The following TNKS variants were observed in gnomAD, a reference collection of about 807,000 sequenced individuals.
TNKS encodes poly [ADP-ribose] polymerase tankyrase-1.
TNKS carries 72 observed loss-of-function variants against 135.8 expected under a neutral mutation model. The observed-to-expected ratio is 0.53, with a 90% confidence interval of 0.44 to 0.64. TNKS has a LOEUF of 0.64. Among genes scored for constraint, TNKS ranks in the 30% least tolerant of loss-of-function variants. The probability of loss-of-function intolerance (pLI) is 0.00; values close to 1 mark genes in which losing one functional copy is unlikely to be tolerated. For missense variants in TNKS, 1,769 were observed against 1,674.0 expected (o/e 1.06, Z -0.99); for synonymous variants, 849 against 649.3 (o/e 1.31, Z -4.68).
At chr8:9,685,173 A>G (rs1346920562) in intron 5 of TNKS, among the ~76,000 whole-genome samples, 1 of 152,174 alleles carries the variant, frequency 6.6e-6, no homozygotes, top group African/African-American at 2.4e-5. Flanking sequence ...ACTACTTTCA[A>G]AAGGAAATCA....
rs1380515230 is a variant in TNKS at position 9,556,828 on chromosome 8, G to C, written c.673+216G>C. 6 of 593,506 alleles carry C rather than the reference G, an allele frequency of 1.0e-5. No homozygotes were observed. The South Asian group carries it at 1.2e-4, about 12-fold the overall frequency. 36.8% of individuals were successfully genotyped at this position (593,506 alleles called of 1,614,324 possible). A position where few individuals can be genotyped will look rare whatever the true frequency, so the allele number is the denominator to read the frequency against. On this transcript the variant is annotated intron_variant, in intron 1 of 26. Coordinates refer to ENST00000310430, the MANE Select transcript of TNKS (RefSeq NM_003747.3). ...AGTGAATCCAAGGAATTCTTCAGTGGTTGCACAGTACTCATTACAAAACTC... is the reference window on the plus strand; with the variant it reads ...AGTGAATCCAAGGAATTCTTCAGTGCTTGCACAGTACTCATTACAAAACTC...
At chr8:9,730,565 G>A (rs532211035) in intron 13 of TNKS, among the ~76,000 whole-genome samples, 2 of 152,278 alleles carry the variant, frequency 1.3e-5, no homozygotes, top group African/African-American at 4.8e-5. Context: ...ATATCTCAGG[G>A]AGGAAAGACT....
chr8:9,705,472 G>C (rs972956850), intron 6 of TNKS, among the ~76,000 whole-genome samples: 3 of 152,172 alleles, frequency 2.0e-5, no homozygotes, highest in Admixed American at 1.3e-4. Context: ...TGCCCTAGAG[G>C]AGAGTTTCTT....
chr8:9,776,877 T>C lies in TNKS; in HGVS notation c.*141T>C. ...GTTTGTCTTCTATAAAGCATTGCTA[T>C]AGTGATGAATAGTATGAGTAACTGA... On this transcript the variant is annotated 3_prime_UTR_variant, in exon 27 of 27. Coordinates refer to ENST00000310430, the MANE Select transcript of TNKS (RefSeq NM_003747.3). 1 of 711,830 alleles carries C rather than the reference T, an allele frequency of 1.4e-6. No individual in the cohort carries two copies. The highest frequency in any genetic ancestry group is 2.3e-6 in the Non-Finnish European group (1 of 430,456). 44.1% of individuals were successfully genotyped at this position (711,830 alleles called of 1,614,324 possible).
At chr8:9,697,627 G>C (rs992997911) in intron 5 of TNKS, among the ~76,000 whole-genome samples, 8 of 152,026 alleles carry the variant, frequency 5.3e-5, no homozygotes, top group African/African-American at 1.9e-4. Flanking sequence ...GTAGGCAAAG[G>C]ACATGAACAG....
Position 9,780,851 on chromosome 8 carries a change from A to G in TNKS, c.*4115A>G, listed in dbSNP as rs1289531597. The G allele has an allele frequency of 6.6e-6, 1 of 152,114 alleles. No homozygotes were observed. Among genetic ancestry groups the G allele is most frequent in the African/African-American group, 2.4e-5 (1 of 41,422 alleles). 9.4% of individuals were successfully genotyped at this position (152,114 alleles called of 1,614,324 possible). A position where few individuals can be genotyped will look rare whatever the true frequency, so the allele number is the denominator to read the frequency against. On this transcript the variant is annotated 3_prime_UTR_variant, in exon 27 of 27. Transcript: ENST00000310430. ...GAGCTGATTAAAATTAATCCATTTC[A>G]ATTTCTCCATATTGGAACTTCCTCA...
chr8:9,654,599 T>G (rs13276464), intron 3 of TNKS, among the ~76,000 whole-genome samples: 18,571 of 152,270 alleles, frequency 0.12, 1,322 homozygotes, highest in Admixed American at 0.22. Context: ...TCAAACAGCT[T>G]CTTTTTCAAA....
chr8:9,764,592 A>C (rs370606901), intron 22 of TNKS, 124 bp from the exon 23 acceptor site: 2 of 567,686 alleles, frequency 3.5e-6, no homozygotes, highest in Non-Finnish European at 5.8e-6. Context: ...ATACTTATCC[A>C]CTAAACTTGT....
At chr8:9,593,873 TTTATTTATTA>T (rs1232974328) in intron 2 of TNKS, among the ~76,000 whole-genome samples, 2 of 150,374 alleles carry the variant, frequency 1.3e-5, no homozygotes, top group African/African-American at 5.0e-5. Context: ...TATTTATTTA[TTTATTTATTA>T]TTATTATTAT....
chr8:9,718,484 G>A (rs186541976), intron 11 of TNKS, among the ~76,000 whole-genome samples: 7 of 152,212 alleles, frequency 4.6e-5, no homozygotes, highest in Admixed American at 3.9e-4. Context: ...TTTCTTTGTG[G>A]TCTGCTTGCC....
chr8:9,751,139 A>G (rs753240279), intron 18 of TNKS, among the ~76,000 whole-genome samples: 2 of 152,208 alleles, frequency 1.3e-5, no homozygotes, highest in South Asian at 2.1e-4. Context: ...TTTGGAGACT[A>G]TCTCCCGCAT....
In TNKS at chr8:9,763,255, T is replaced by C; in HGVS notation, c.3372+11T>C. On this transcript the variant is annotated intron_variant, in intron 22 of 26. Transcript: ENST00000310430. ...TCAGTGGAAGAAGAGGTAATATACATCAGAAATCTTTCATTTGCTTTTCTT... is the reference window on the plus strand; with the variant it reads ...TCAGTGGAAGAAGAGGTAATATACACCAGAAATCTTTCATTTGCTTTTCTT... 1 of 1,525,518 alleles carries C rather than the reference T, an allele frequency of 6.6e-7. No individual in the cohort carries two copies. Among genetic ancestry groups the C allele is most frequent in the Non-Finnish European group, 9.0e-7 (1 of 1,115,390 alleles). The allele number at this position is 1,525,518 out of a possible 1,614,324, so 94.5% of individuals were successfully genotyped here.
Position 9,663,637 on chromosome 8 carries a change from T to C in TNKS, c.995-16314T>C, listed in dbSNP as rs1801841711. The stretch of plus-strand genomic sequence containing the variant: ...GCTAGTAGTAGGTTGTCATCTATAC[T>C]TCTTATCTGCTGGCTGTCAATTGGG... On this transcript the variant is annotated intron_variant, in intron 3 of 26. Coordinates refer to ENST00000310430, the MANE Select transcript of TNKS (RefSeq NM_003747.3). Among the ~76,000 whole-genome samples, 3 of 152,236 alleles carry C rather than the reference T, an allele frequency of 2.0e-5. No individual in the cohort carries two copies. In the South Asian group the frequency reaches 6.2e-4, roughly 31 times the overall value.
chr8:9,723,099 C>G (rs1804977403), intron 12 of TNKS, among the ~76,000 whole-genome samples: 1 of 149,660 alleles, frequency 6.7e-6, no homozygotes, highest in African/African-American at 2.4e-5. Context: ...CTTTATTGAT[C>G]TGGAAAGCTA....
At chr8:9,761,670 A>C (rs1278970772) in intron 21 of TNKS, 34 bp downstream of exon 21, 3 of 1,578,916 alleles carry the variant, frequency 1.9e-6, no homozygotes, top group Non-Finnish European at 2.6e-6. Context: ...AAATTTCAGA[A>C]ATCAGTGGTA....
Position 9,556,355 on chromosome 8 carries a change from C to T in TNKS, c.416C>T (p.Ser139Leu), listed in dbSNP as rs772995748. The T allele has an allele frequency of 6.8e-6, 11 of 1,614,144 alleles. No individual in the cohort carries two copies. Among genetic ancestry groups the T allele is most frequent in the Middle Eastern group, 1.6e-4 (1 of 6,084 alleles). Residue 139 changes from serine (S) to leucine (L), a missense_variant, in exon 1 of 27, where the codon TCA (serine) becomes TTA (leucine). Ser to Leu is a moderately radical substitution (Grantham distance 145). Coordinates refer to ENST00000310430, the MANE Select transcript of TNKS (RefSeq NM_003747.3). ...TCCTCTTCTTCCCCGACTTCTTCCT[C>T]ATCTTCCTCTCCATCCTCCCCTGGA... ...PSSSSSPTSS[S>L]SSSPSSPGSS... is the part of the protein sequence containing the mutation.
chr8:9,750,912 G>A (rs188113270), intron 18 of TNKS, among the ~76,000 whole-genome samples: 2 of 152,306 alleles, frequency 1.3e-5, no homozygotes, highest in South Asian at 2.1e-4. Context: ...CAGTAGTCTA[G>A]CCCAAACTTC....
intron 26 of TNKS, among the ~76,000 whole-genome samples, chr8:9,774,129 G>GGACTT (rs1257292808): frequency 6.6e-6 from 1 of 152,122 alleles, no homozygotes; most frequent in African/African-American, 2.4e-5. Flanking sequence ...ACATATGATT[G>GGACTT]GACTTAAGAT....
In TNKS at chr8:9,654,930, A is replaced by C. The variant is rs1801293082; in HGVS notation, c.995-25021A>C. ...CAGTGGGTGCAACGCACCATGCGTG[A>C]GCCGAAGCAGGGTGAGGCATCGCCT... On this transcript the variant is annotated intron_variant, in intron 3 of 26. Transcript: ENST00000310430. 2.0e-5 allele frequency among the ~76,000 whole-genome samples: 3 copies of C among 152,216 alleles called. No individual in the cohort carries two copies. The South Asian group carries it at 6.2e-4, about 32-fold the overall frequency.
Sources: gnomAD v4.1 joint callset for allele counts (sites outside exome capture counted in the v4.1 genomes callset) on GRCh38, gnomAD v4.1.1 for gene constraint, MANE v1.5 for transcripts, NCBI Gene and HGNC (gene_info 2026-07-23, HGNC 2026-07-21) for gene names.